The following NTHL1 variants were observed in gnomAD, a reference collection of about 807,000 sequenced individuals.
NTHL1 encodes endonuclease III-like protein 1.
A neutral mutation model predicts 32.3 loss-of-function variants in NTHL1; 32 were observed. The ratio of observed to expected loss-of-function variants is 0.99; its 90% confidence interval spans 0.75 to 1.33. The LOEUF (loss-of-function observed/expected upper bound fraction) is 1.33, where lower values mean the gene tolerates loss of function less well. Ranked by LOEUF, NTHL1 falls within the 40% of genes most tolerant of loss-of-function variation. The pLI, the probability that NTHL1 is intolerant of heterozygous loss-of-function variation, is 0.00. For synonymous variants in NTHL1, 188 were observed against 176.9 expected, an observed-to-expected ratio of 1.06 and a Z score of -0.50; for missense variants, 501 against 414.1, an observed-to-expected ratio of 1.21 and a Z score of -1.82.
chr16:2,046,552 C>G (rs1304993882), intron 1 of NTHL1, among the ~76,000 whole-genome samples, 186 bp from the exon 2 acceptor site: 1 of 152,196 alleles, frequency 6.6e-6, no homozygotes, highest in Non-Finnish European at 1.5e-5. Context: ...GCGACCCTGA[C>G]AAGGTCCATG....
chr16:2,047,518 G>A, intron 1 of NTHL1, 191 bp downstream of exon 1: 4 of 972,822 alleles, frequency 4.1e-6, no homozygotes, highest in Non-Finnish European at 5.9e-6. Context: ...CCGAAACCCA[G>A]CCCCTGCGGA....
Position 2,044,501 on chromosome 16 carries a change from C to G in NTHL1, c.525+129G>C, listed in dbSNP as rs2084313810. Reference sequence around the variant, plus strand: ...TCAGGGCCCCACGGCCTGGGGGGGGCTTCAGGGGGACCCCCCGAGCCTGAG... The same window carrying G: ...TCAGGGCCCCACGGCCTGGGGGGGGGTTCAGGGGGACCCCCCGAGCCTGAG... On this transcript the variant is annotated intron_variant, in intron 3 of 5. Coordinates refer to ENST00000651570, the MANE Select transcript of NTHL1 (RefSeq NM_002528.7). The surrounding 1 kb of genome is among the most constrained non-coding windows in gnomAD (Gnocchi z 5.0). 3.2e-6 allele frequency: 4 copies of G among 1,237,026 alleles called. No individual in the cohort carries two copies. The highest frequency in any genetic ancestry group is 1.5e-5 in the African/African-American group (1 of 67,846). 76.6% of individuals were successfully genotyped at this position (1,237,026 alleles called of 1,614,324 possible).
intron 5 of NTHL1, 26 bp from the exon 6 acceptor site, chr16:2,040,073 G>A (rs1275136776): frequency 2.5e-6 from 4 of 1,612,516 alleles, no homozygotes; most frequent in Non-Finnish European, 3.4e-6. Flanking sequence ...CTGGGTCAGT[G>A]CTGACAGAGG....
Position 2,044,909 on chromosome 16 carries a change from C to G in NTHL1, c.355-109G>C, listed in dbSNP as rs542117101. On this transcript the variant is annotated intron_variant, in intron 2 of 5. Transcript: ENST00000651570. The surrounding 1 kb of genome is among the most constrained non-coding windows in gnomAD (Gnocchi z 5.0). ...CCCTGGTTTGTTGCCCTGGGCCACA[C>G]TTGAGGCATCAGCCTCCCCCTGTGG... 7.0e-6 allele frequency: 9 copies of G among 1,290,150 alleles called. No homozygotes were observed. In the East Asian group the frequency reaches 2.0e-4, roughly 29 times the overall value. 79.9% of individuals were successfully genotyped at this position (1,290,150 alleles called of 1,614,324 possible).
intron 4 of NTHL1, 98 bp from the exon 5 acceptor site, chr16:2,040,336 C>T: frequency 7.2e-6 from 8 of 1,108,454 alleles, no homozygotes; most frequent in Non-Finnish European, 1.1e-5. Flanking sequence ...CCCCCGTGGC[C>T]CTCCAGTTAG....
At position 2,043,596 on chromosome 16, in the gene NTHL1, G is replaced by A. The variant is rs2150941193; in HGVS notation, c.656C>T (p.Ala219Val). Residue 219 changes from alanine (A) to valine (V), a missense_variant, in exon 4 of 6, where the codon GCT becomes GTT. Coordinates refer to ENST00000651570, the MANE Select transcript of NTHL1 (RefSeq NM_002528.7). The surrounding 1 kb of genome is among the most constrained non-coding windows in gnomAD (Gnocchi z 4.4). ...GCCTGACACAGTGCCCCAGGCCACAGCCATAGCCAGGTGTGCCATCTTGGG... is the reference window on the plus strand; with the variant it reads ...GCCTGACACAGTGCCCCAGGCCACAACCATAGCCAGGTGTGCCATCTTGGG... ...VGPKMAHLAMAVAWGTVSGIA... is the reference protein window; with the variant it reads ...VGPKMAHLAMVVAWGTVSGIA... 6.2e-7 allele frequency: 1 copy of A among 1,609,334 alleles called. No homozygotes were observed. The highest frequency in any genetic ancestry group is 8.5e-7 in the Non-Finnish European group (1 of 1,179,972).
At position 2,043,805 on chromosome 16, in the gene NTHL1, C is replaced by T; in HGVS notation, c.526-79G>A. 6.4e-7 allele frequency: 1 copy of T among 1,552,806 alleles called. No homozygotes were observed. Among genetic ancestry groups the T allele is most frequent in the Non-Finnish European group, 8.8e-7 (1 of 1,139,966 alleles). ...GAGGATGCAGCCCCCAGGAGACCCA[C>T]AGGTGGCCAGAGCTACCTGCACCTG... On this transcript the variant is annotated intron_variant, in intron 3 of 5. Transcript: ENST00000651570. This position sits in a 1 kb window ranked among gnomAD's most constrained non-coding sequence, Gnocchi z 4.4.
intron 1 of NTHL1, 31 bp downstream of exon 1, chr16:2,047,678 C>T (rs1386813369): frequency 5.8e-6 from 9 of 1,555,620 alleles, no homozygotes; most frequent in Non-Finnish European, 7.8e-6. Context: ...ATCCCGCCTC[C>T]TCCCACGCTC....
At chr16:2,045,335 C>T (rs925418840) in intron 2 of NTHL1, among the ~76,000 whole-genome samples, 1 of 151,940 alleles carries the variant, frequency 6.6e-6, no homozygotes, top group Non-Finnish European at 1.5e-5. Flanking sequence ...AAGACTTGGT[C>T]TCAAAAAAAA....
intron 1 of NTHL1, among the ~76,000 whole-genome samples, chr16:2,046,774 C>G (rs954011026): frequency 6.6e-6 from 1 of 152,164 alleles, no homozygotes; most frequent in East Asian, 1.9e-4. Flanking sequence ...GAGTTCAAGA[C>G]CAGCCTGGCC....
Position 2,040,248 on chromosome 16 carries a change from G to A in NTHL1, c.686-10C>T. 6.2e-7 allele frequency: 1 copy of A among 1,612,070 alleles called. No homozygotes were observed. The highest frequency in any genetic ancestry group is 8.5e-7 in the Non-Finnish European group (1 of 1,179,298). On this transcript the variant is annotated splice_polypyrimidine_tract_variant and intron_variant, in intron 4 of 5. Coordinates refer to ENST00000651570, the MANE Select transcript of NTHL1 (RefSeq NM_002528.7). The stretch of plus-strand genomic sequence containing the variant: ...ACATGCGTGTCCACTGCTGCTGGGA[G>A]GCCAAGCGGGGTGAACAGGGGCACA...
chr16:2,044,528 T>C lies in NTHL1; in HGVS notation c.525+102A>G, dbSNP rs576937069. Reference sequence around the variant, plus strand: ...TCAGGGGGACCCCCCGAGCCTGAGATGCTTGACCCTCACTTCCTGCACCGT... The same window carrying C: ...TCAGGGGGACCCCCCGAGCCTGAGACGCTTGACCCTCACTTCCTGCACCGT... On this transcript the variant is annotated intron_variant, in intron 3 of 5. Transcript: ENST00000651570. This position sits in a 1 kb window ranked among gnomAD's most constrained non-coding sequence, Gnocchi z 5.0. The C allele has an allele frequency of 2.5e-5, 38 of 1,497,600 alleles. No individual in the cohort carries two copies. The South Asian group carries it at 2.8e-4, about 11-fold the overall frequency. 92.8% of individuals were successfully genotyped at this position (1,497,600 alleles called of 1,614,324 possible). A position where few individuals can be genotyped will look rare whatever the true frequency, so the allele number is the denominator to read the frequency against.
Position 2,043,696 on chromosome 16 carries a change from C to G in NTHL1, c.556G>C (p.Ala186Pro). The G allele has an allele frequency of 1.2e-6, 2 of 1,612,074 alleles. No homozygotes were observed. Among genetic ancestry groups the G allele is most frequent in the Non-Finnish European group, 1.7e-6 (2 of 1,179,972 alleles). ...SKVKYIKQTS[A>P]ILQQHYGGDI... ...CCACCGTAGTGCTGCTGCAGGATGG[C>G]GCTGGTCTGCTTGATGTATTTCACC... The change falls in exon 4 of 6, where the codon GCC becomes CCC. Residue 186 changes from alanine (A) to proline (P), a missense_variant. Transcript: ENST00000651570. The surrounding 1 kb of genome is among the most constrained non-coding windows in gnomAD (Gnocchi z 4.4).
intron 4 of NTHL1, chr16:2,040,589 T>C: frequency 2.4e-6 from 1 of 423,042 alleles, no homozygotes. Flanking sequence ...TGCTTGGAGC[T>C]CTATTCCCCA....
intron 2 of NTHL1, among the ~76,000 whole-genome samples, chr16:2,045,351 A>G (rs1052515486): frequency 6.6e-6 from 1 of 152,126 alleles, no homozygotes; most frequent in African/African-American, 2.4e-5. Context: ...AAAAAACCCA[A>G]CACGATCGTA....
chr16:2,040,938 G>A (rs567869909), intron 4 of NTHL1, among the ~76,000 whole-genome samples: 11 of 152,290 alleles, frequency 7.2e-5, no homozygotes, highest in East Asian at 1.9e-4. Context: ...CCACTGCAGC[G>A]GTCAGGGACA....
chr16:2,046,002 C>G (rs2084351589), intron 2 of NTHL1, 126 bp downstream of exon 2: 1 of 746,478 alleles, frequency 1.3e-6, no homozygotes, highest in East Asian at 2.5e-5. Flanking sequence ...CTCTGGGGCA[C>G]CGGGTGTCCA....
chr16:2,046,138 G>T lies in NTHL1; in HGVS notation c.344C>A (p.Ala115Asp), dbSNP rs745986873. The change falls in exon 2 of 6, where the codon GCC (alanine) becomes GAC (aspartate). Residue 115 changes from alanine (A) to aspartate (D), a missense_variant. Transcript: ENST00000651570. ...GGGGCCCCTGCCTACCTTTGGGGGG[G>T]CACTGGAGTCATAGCAGTGCTCAGT... ...LGTEHCYDSSAPPKVRRYQVL... is the reference protein window; with the variant it reads ...LGTEHCYDSSDPPKVRRYQVL... 5.0e-6 allele frequency: 8 copies of T among 1,612,408 alleles called. No homozygotes were observed. Among genetic ancestry groups the T allele is most frequent in the Admixed American group, 3.3e-5 (2 of 59,992 alleles).
rs2084301938 is a variant in NTHL1 at position 2,043,744 on chromosome 16, G to A, written c.526-18C>T. On this transcript the variant is annotated intron_variant, in intron 3 of 5. Transcript: ENST00000651570. This position sits in a 1 kb window ranked among gnomAD's most constrained non-coding sequence, Gnocchi z 4.4. The stretch of plus-strand genomic sequence containing the variant: ...ACCTTGCTCTGAAAGACAGGGGTGG[G>A]TTCAGCCTTGGAGGCAAGGGCACAG... 1 of 1,610,344 alleles carries A rather than the reference G, an allele frequency of 6.2e-7. No homozygotes were observed. The highest frequency in any genetic ancestry group is 8.5e-7 in the Non-Finnish European group (1 of 1,179,892).
Sources: allele counts gnomAD v4.1 joint callset (sites outside exome capture counted in the v4.1 genomes callset), GRCh38; gene constraint gnomAD v4.1.1; non-coding constraint Gnocchi (gnomAD v3.1); transcripts MANE v1.5; gene names NCBI Gene and HGNC (gene_info 2026-07-23, HGNC 2026-07-21).